The following MTRF1 variants were observed in gnomAD, a reference collection of about 807,000 sequenced individuals.
MTRF1 encodes the protein mitochondrial translation release factor 1.
A neutral mutation model predicts 62.9 loss-of-function variants in MTRF1; 51 were observed. The ratio of observed to expected loss-of-function variants is 0.81; its 90% CI spans 0.65 to 1.02. The LOEUF is 1.02. Ranked by LOEUF, MTRF1 falls within the 50% of genes least tolerant of loss-of-function variation. The probability of loss-of-function intolerance (pLI) is 0.00; values close to 1 mark genes in which losing one functional copy is unlikely to be tolerated. For missense variants in MTRF1, 446 were observed against 530.0 expected, an observed-to-expected ratio of 0.84 and a Z score of 1.56; for synonymous variants, 158 against 181.9, an observed-to-expected ratio of 0.87 and a Z score of 1.06.
chr13:41,259,805 C>T (rs1417567243), intron 2 of MTRF1, among the ~76,000 whole-genome samples: 1 of 152,096 alleles, frequency 6.6e-6, no homozygotes, highest in Non-Finnish European at 1.5e-5. Context: ...TCAATCCAGG[C>T]TGGTTTGAGT....
the MTRF1 span, among the ~76,000 whole-genome samples, chr13:41,277,078 G>C: frequency 6.6e-6 from 1 of 151,528 alleles, no homozygotes; most frequent in African/African-American, 2.4e-5. Context: ...AGATTGATTT[G>C]AGTAATAACT....
chr13:41,274,800 T>C, the MTRF1 span, among the ~76,000 whole-genome samples: 1 of 152,152 alleles, frequency 6.6e-6, no homozygotes, highest in Non-Finnish European at 1.5e-5. Context: ...CACACCCGGC[T>C]AATTTTTGTA....
the MTRF1 span, among the ~76,000 whole-genome samples, chr13:41,269,533 C>T: frequency 2.9e-5 from 4 of 139,346 alleles, no homozygotes; most frequent in Non-Finnish European, 6.2e-5. Context: ...TTTAAATAAG[C>T]TTTCAATTAG....
chr13:41,292,175 A>G, the MTRF1 span, among the ~76,000 whole-genome samples: 1 of 152,256 alleles, frequency 6.6e-6, no homozygotes, highest in Non-Finnish European at 1.5e-5. Context: ...CACATTTGTT[A>G]ATCAAGCAAA....
At chr13:41,253,797 T>G (rs1279083028) in intron 3 of MTRF1, among the ~76,000 whole-genome samples, 1 of 152,152 alleles carries the variant, frequency 6.6e-6, no homozygotes. Context: ...CTGGTTCAAT[T>G]TGTAATAAAA....
At position 41,217,540 on chromosome 13, in the gene MTRF1, T is replaced by C. The variant is rs2138608975; in HGVS notation, c.1225-312A>G. On this transcript the variant is annotated intron_variant, in intron 9 of 9. Transcript: ENST00000379480. The stretch of plus-strand genomic sequence containing the variant: ...TCCCTCCCTTTAAAATTCCACTGAT[T>C]GGCTTTTATGACAACACCATTCTAG... Among the ~76,000 whole-genome samples the C allele has an allele frequency of 1.3e-5, 2 of 152,318 alleles. 1 individual carries two copies. Among genetic ancestry groups the C allele is most frequent in the South Asian group, 4.1e-4 (2 of 4,832 alleles).
At chr13:41,301,749 A>G in the MTRF1 span, among the ~76,000 whole-genome samples, 1 of 149,488 alleles carries the variant, frequency 6.7e-6, no homozygotes, top group Admixed American at 6.7e-5. Context: ...CTCCGTCTCA[A>G]AAAAAAAAAA....
the MTRF1 span, among the ~76,000 whole-genome samples, chr13:41,279,270 A>T: frequency 6.6e-6 from 1 of 152,174 alleles, no homozygotes; most frequent in African/African-American, 2.4e-5. Flanking sequence ...GATTGCAGGC[A>T]TGAGCCACTG....
At chr13:41,280,829 A>G in the MTRF1 span, among the ~76,000 whole-genome samples, 2 of 152,188 alleles carry the variant, frequency 1.3e-5, no homozygotes, top group African/African-American at 2.4e-5. Context: ...ACCCATCTCC[A>G]TCAGGTCCCT....
At chr13:41,269,005 C>T in the MTRF1 span, among the ~76,000 whole-genome samples, 3 of 148,638 alleles carry the variant, frequency 2.0e-5, no homozygotes, top group Non-Finnish European at 3.0e-5. Flanking sequence ...TCTGGTTTGA[C>T]GTGACCATCC....
At chr13:41,261,265 C>G (rs2040424497) in intron 1 of MTRF1, 1 of 172,414 alleles carries the variant, frequency 5.8e-6, no homozygotes, top group East Asian at 1.5e-4. Context: ...ACCCAGGAGG[C>G]AGAGGTTGCA....
chr13:41,251,180 AATT>A (rs2039013220), intron 5 of MTRF1, among the ~76,000 whole-genome samples: 1 of 152,130 alleles, frequency 6.6e-6, no homozygotes, highest in Non-Finnish European at 1.5e-5. Flanking sequence ...TTACTTAGCA[AATT>A]ATGCCTATTC....
At chr13:41,262,038 A>G (rs1285963249) in intron 1 of MTRF1, 1 of 152,540 alleles carries the variant, frequency 6.6e-6, no homozygotes, top group Non-Finnish European at 1.5e-5. Flanking sequence ...AAGTTAAATA[A>G]GAAACATACC....
Position 41,252,940 on chromosome 13 carries a change from T to C in MTRF1, c.589+9A>G. ...TAGATCATTTAAATAATAAAGTAAG[T>C]TTACTGACCTCCAGTAGTCCTTCCA... On this transcript the variant is annotated intron_variant, in intron 4 of 9. Transcript: ENST00000379480. The C allele has an allele frequency of 6.3e-7, 1 of 1,576,214 alleles. No individual in the cohort carries two copies.
At chr13:41,235,834 GAC>G (rs1414898700) in intron 6 of MTRF1, 2 of 114,622 alleles carry the variant, frequency 1.7e-5, no homozygotes, top group East Asian at 4.6e-4. Context: ...CTTATACACA[GAC>G]ACAGACACAC....
intron 5 of MTRF1, among the ~76,000 whole-genome samples, chr13:41,250,764 C>G (rs945317382): frequency 6.6e-6 from 1 of 152,098 alleles, no homozygotes; most frequent in Non-Finnish European, 1.5e-5. Context: ...CTGTGCCCAG[C>G]CTATTTACTG....
chr13:41,265,513 T>C (rs145494366), upstream of MTRF1, among the ~76,000 whole-genome samples: 52 of 152,212 alleles, frequency 3.4e-4, no homozygotes, highest in African/African-American at 8.9e-4. Flanking sequence ...TTAAAATTCA[T>C]ATATTGAAGC....
chr13:41,225,059 A>G (rs757780982), intron 8 of MTRF1, among the ~76,000 whole-genome samples: 1 of 152,106 alleles, frequency 6.6e-6, no homozygotes, highest in Non-Finnish European at 1.5e-5. Context: ...AAAAAATACA[A>G]AAATGAGCCA....
chr13:41,291,605 G>T, the MTRF1 span, among the ~76,000 whole-genome samples: 2 of 151,802 alleles, frequency 1.3e-5, no homozygotes, highest in African/African-American at 4.8e-5. Flanking sequence ...CTTTCTGCTT[G>T]TACCTCTAGC....
Sources: allele counts gnomAD v4.1 joint callset (sites outside exome capture counted in the v4.1 genomes callset), GRCh38; gene constraint gnomAD v4.1.1; transcripts MANE v1.5; gene names NCBI Gene and HGNC (gene_info 2026-07-23, HGNC 2026-07-21).